CSMD3: variants seen among roughly 807,000 people sequenced by gnomAD.
The protein encoded by CSMD3 is CUB and Sushi multiple domains 3, also known as CUB and sushi domain-containing protein 3.
Under a neutral mutation model 435.2 loss-of-function variants are expected in CSMD3, and 177 were observed. That is an observed-to-expected ratio of 0.41 (90% confidence interval 0.36 to 0.46). CSMD3 has a LOEUF of 0.46. Ranked by LOEUF, CSMD3 falls within the 20% of genes least tolerant of loss-of-function variation. The pLI is 0.34. For synonymous variants in CSMD3, 1,656 were observed against 1,520.5 expected (o/e 1.09, Z -2.07); for missense variants, 4,265 against 4,504.6 (o/e 0.95, Z 1.52).
chr8:113,117,476 T>A (rs1187582874), intron 4 of CSMD3, among the ~76,000 whole-genome samples: 1 of 152,194 alleles, frequency 6.6e-6, no homozygotes, highest in African/African-American at 2.4e-5. Flanking sequence ...GGAGCCCTCA[T>A]AAAGAATCTC....
rs1813694387 is a variant in CSMD3 at position 112,237,454 on chromosome 8, A to G, written c.10469-106T>C. 5.0e-6 allele frequency: 4 copies of G among 799,984 alleles called. No homozygotes were observed. The East Asian group carries it at 1.1e-4, about 21-fold the overall frequency. 49.6% of individuals were successfully genotyped at this position (799,984 alleles called of 1,614,324 possible). A position where few individuals can be genotyped will look rare whatever the true frequency, so the allele number is the denominator to read the frequency against. On this transcript the variant is annotated intron_variant, in intron 66 of 70. Coordinates refer to ENST00000297405, the MANE Select transcript of CSMD3 (RefSeq NM_198123.2). ...GAATAATGATGTATTGCTAATACAC[A>G]ATAATGTTGAATGTGTGTTACAAAA...
Position 112,223,263 on chromosome 8 carries a change from A to C in CSMD3, c.*1508T>G, listed in dbSNP as rs1044593317. ...AAAACAATGTATCTCAAAGTGGTTT[A>C]CAAGAAATTCATTAAATGTTGTAGA... On this transcript the variant is annotated 3_prime_UTR_variant, in exon 71 of 71. Transcript: ENST00000297405. The C allele has an allele frequency of 2.6e-6, 1 of 382,578 alleles. No homozygotes were observed. Among genetic ancestry groups the C allele is most frequent in the Admixed American group, 4.5e-5 (1 of 22,152 alleles). 23.7% of individuals were successfully genotyped at this position (382,578 alleles called of 1,614,324 possible). A position where few individuals can be genotyped will look rare whatever the true frequency, so the allele number is the denominator to read the frequency against.
intron 2 of CSMD3, among the ~76,000 whole-genome samples, chr8:113,302,694 T>G (rs973149721): frequency 6.6e-6 from 1 of 151,336 alleles, no homozygotes; most frequent in Non-Finnish European, 1.5e-5. Context: ...GAAAAAGCCT[T>G]TGACAAAATT....
chr8:112,373,427 C>G (rs944317907), intron 38 of CSMD3, among the ~76,000 whole-genome samples: 1 of 152,202 alleles, frequency 6.6e-6, no homozygotes, highest in Non-Finnish European at 1.5e-5. Context: ...TTTACACACA[C>G]ACACCACTCA....
intron 1 of CSMD3, among the ~76,000 whole-genome samples, chr8:113,320,904 G>A (rs1006988731): frequency 1.3e-5 from 2 of 151,994 alleles, no homozygotes; most frequent in Non-Finnish European, 2.9e-5. Context: ...ATATATCTCC[G>A]TGTAGATGTA....
At chr8:113,070,789 A>C (rs1368663863) in intron 5 of CSMD3, among the ~76,000 whole-genome samples, 1 of 152,054 alleles carries the variant, frequency 6.6e-6, no homozygotes, top group Non-Finnish European at 1.5e-5. Flanking sequence ...ACAAGGGAGT[A>C]TAGGTATCTC....
chr8:112,253,015 C>T lies in CSMD3; in HGVS notation c.10110+1238G>A, dbSNP rs990549657. 4.6e-5 allele frequency among the ~76,000 whole-genome samples: 7 copies of T among 151,800 alleles called. No individual in the cohort carries two copies. In the East Asian group the frequency reaches 7.7e-4, roughly 17 times the overall value. ...TGTTGGATGACTGTTTTAAACTCCA[C>T]GTTAATCATTCTCATTTCCAATATC... On this transcript the variant is annotated intron_variant, in intron 63 of 70. Coordinates refer to ENST00000297405, the MANE Select transcript of CSMD3 (RefSeq NM_198123.2).
chr8:112,348,201 C>T (rs1825834175), intron 40 of CSMD3, among the ~76,000 whole-genome samples: 1 of 152,242 alleles, frequency 6.6e-6, no homozygotes, highest in South Asian at 2.1e-4. Context: ...CTCAACACTC[C>T]TATGCCTTGA....
chr8:113,275,919 T>C (rs2093565979), intron 3 of CSMD3, among the ~76,000 whole-genome samples: 1 of 151,994 alleles, frequency 6.6e-6, no homozygotes, highest in Non-Finnish European at 1.5e-5. Context: ...TTTTACTGTA[T>C]CATACACAGG....
chr8:113,207,442 C>T (rs996004396), intron 3 of CSMD3, among the ~76,000 whole-genome samples: 1 of 150,480 alleles, frequency 6.6e-6, no homozygotes, highest in Non-Finnish European at 1.5e-5. Flanking sequence ...AGTGCAGCAG[C>T]GCGATCTCGG....
intron 27 of CSMD3, among the ~76,000 whole-genome samples, chr8:112,525,364 A>G (rs1355542781): frequency 1.3e-5 from 2 of 149,764 alleles, no homozygotes; most frequent in Non-Finnish European, 3.0e-5. Context: ...ATTTATATTA[A>G]ATATACATTT....
chr8:112,287,318 C>G (rs992236348), intron 57 of CSMD3, 72 bp from the exon 58 acceptor site: 4 of 1,449,840 alleles, frequency 2.8e-6, no homozygotes, highest in Non-Finnish European at 3.9e-6. Context: ...AGTCCAAGGG[C>G]CTGGTAGGCA....
intron 22 of CSMD3, among the ~76,000 whole-genome samples, chr8:112,603,564 T>C (rs1012071120): frequency 6.6e-6 from 1 of 152,212 alleles, no homozygotes; most frequent in African/African-American, 2.4e-5. Flanking sequence ...AATTGTGCCA[T>C]GTATGGTCTG....
At chr8:113,374,809 G>C (rs1459983775) in intron 1 of CSMD3, among the ~76,000 whole-genome samples, 1 of 80,006 alleles carries the variant, frequency 1.2e-5, no homozygotes, top group South Asian at 5.1e-4. Flanking sequence ...GCACCTTGTT[G>C]TTAAAAAGTA....
intron 22 of CSMD3, among the ~76,000 whole-genome samples, chr8:112,594,715 C>G (rs1563745704): frequency 6.6e-6 from 1 of 152,184 alleles, no homozygotes; most frequent in African/African-American, 2.4e-5. Context: ...CCCTGACCCC[C>G]CGAGCAGCCT....
intron 32 of CSMD3, among the ~76,000 whole-genome samples, chr8:112,452,679 AT>A (rs1816418166): frequency 6.6e-6 from 1 of 152,186 alleles, no homozygotes. Flanking sequence ...TCACATAGCA[AT>A]GGATTATTTG....
intron 35 of CSMD3, among the ~76,000 whole-genome samples, chr8:112,395,391 CT>C (rs1453665248): frequency 1.6e-4 from 25 of 152,042 alleles, no homozygotes; most frequent in Non-Finnish European, 7.4e-5. Flanking sequence ...TATTTAATAA[CT>C]TTTTCATGGA....
chr8:112,731,205 T>C (rs552345447), intron 13 of CSMD3, among the ~76,000 whole-genome samples: 12 of 111,884 alleles, frequency 1.1e-4, no homozygotes, highest in African/African-American at 3.7e-4. Context: ...TTTAAGAGGA[T>C]AGATCTACAC....
intron 32 of CSMD3, among the ~76,000 whole-genome samples, chr8:112,449,032 T>C (rs1815964337): frequency 1.3e-5 from 2 of 152,262 alleles, no homozygotes; most frequent in African/African-American, 2.4e-5. Context: ...AATTAAAGGG[T>C]ACTTTCAGGG....
Sources: gnomAD v4.1 joint callset for allele counts (sites outside exome capture counted in the v4.1 genomes callset) on GRCh38, gnomAD v4.1.1 for gene constraint, MANE v1.5 for transcripts, NCBI Gene and HGNC (gene_info 2026-07-23, HGNC 2026-07-21) for gene names.